PLCG2: variants seen among roughly 807,000 people sequenced by gnomAD.
PLCG2 encodes the protein 1-phosphatidylinositol 4,5-bisphosphate phosphodiesterase gamma-2.
Under a neutral mutation model 175.6 loss-of-function variants are expected in PLCG2, and 69 were observed. That is an observed-to-expected ratio of 0.39 (90% CI 0.32 to 0.48). The LOEUF (loss-of-function observed/expected upper bound fraction) is 0.48, where lower values mean the gene tolerates loss of function less well. Among genes scored for constraint, PLCG2 ranks in the 20% least tolerant of loss-of-function variants. The probability of loss-of-function intolerance (pLI) is 0.91; values close to 1 mark genes in which losing one functional copy is unlikely to be tolerated. For synonymous variants in PLCG2, 827 were observed against 624.0 expected, an observed-to-expected ratio of 1.33 and a Z score of -4.85; for missense variants, 1,798 against 1,650.9, an observed-to-expected ratio of 1.09 and a Z score of -1.54.
chr16:81,865,319 G>A (rs913962704), intron 5 of PLCG2, among the ~76,000 whole-genome samples: 3 of 152,150 alleles, frequency 2.0e-5, no homozygotes, highest in African/African-American at 7.2e-5. Flanking sequence ...GGCTCAGCCT[G>A]CCTGTGCTGG....
intron 8 of PLCG2, 53 bp from the exon 9 acceptor site, chr16:81,883,216 C>T (rs1396257000): frequency 2.6e-6 from 4 of 1,527,718 alleles, no homozygotes; most frequent in Non-Finnish European, 3.6e-6. Context: ...CTCCTCTCGA[C>T]TCCTCTGTTG....
chr16:81,767,264 C>T (rs1006522367), intron 2 of PLCG2, among the ~76,000 whole-genome samples: 3 of 151,252 alleles, frequency 2.0e-5, no homozygotes, highest in Non-Finnish European at 2.9e-5. Context: ...TGTGCCTCAG[C>T]CTCCCGAATA....
In PLCG2 at chr16:81,922,065, G is replaced by T. The variant is rs145494459; in HGVS notation, c.2307+796G>T. Among the ~76,000 whole-genome samples the T allele has an allele frequency of 5.2e-3, 796 of 152,210 alleles. 20 individuals carry two copies. The highest frequency in any genetic ancestry group is 1.6e-3 in the Non-Finnish European group (108 of 68,016). On this transcript the variant is annotated intron_variant, in intron 21 of 32. Coordinates refer to ENST00000564138, the MANE Select transcript of PLCG2 (RefSeq NM_002661.5). ...TAACTGATGACTTTTCCTTCCTGTG[G>T]CCTTGGAGACTGGCTGGTCCTTATA...
intron 3 of PLCG2, among the ~76,000 whole-genome samples, chr16:81,855,010 G>C (rs1906610727): frequency 6.6e-6 from 1 of 152,016 alleles, no homozygotes; most frequent in South Asian, 2.1e-4. Context: ...AGGAGTTTGA[G>C]ACCAGCATGG....
chr16:81,937,796 A>T lies in PLCG2; in HGVS notation c.3091A>T (p.Asn1031Tyr). Residue 1031 changes from asparagine to tyrosine, a missense_variant, in exon 28 of 33, where the codon AAT becomes TAT. Transcript: ENST00000564138. ...GATGAATCACGCATTGTTTTCTCTCAATGGGCGCACGGGCTACGTTCTGCA... is the reference window on the plus strand; with the variant it reads ...GATGAATCACGCATTGTTTTCTCTCTATGGGCGCACGGGCTACGTTCTGCA... The part of the protein sequence containing the change: ...MQMNHALFSL[N>Y]GRTGYVLQPE... 3.1e-6 allele frequency: 5 copies of T among 1,614,050 alleles called. No homozygotes were observed. The highest frequency in any genetic ancestry group is 4.2e-6 in the Non-Finnish European group (5 of 1,179,910).
intron 2 of PLCG2, among the ~76,000 whole-genome samples, chr16:81,770,375 GA>G (rs1317910294): frequency 1.3e-5 from 2 of 152,178 alleles, no homozygotes; most frequent in African/African-American, 4.8e-5. Context: ...AATGACAAGA[GA>G]AAAGTCAGAG....
chr16:81,746,326 C>T (rs760778169), intron 1 of PLCG2, among the ~76,000 whole-genome samples: 1 of 152,212 alleles, frequency 6.6e-6, no homozygotes, highest in Non-Finnish European at 1.5e-5. Flanking sequence ...TCGCCCCCAG[C>T]ACAGGTGGAG....
rs1911819395 is a variant in PLCG2 at position 81,962,665 on chromosome 16, TAA to T, written c.*4670_*4671del. 3 of 218,088 alleles carry T rather than the reference TAA, an allele frequency of 1.4e-5. No homozygotes were observed. Among genetic ancestry groups the T allele is most frequent in the Admixed American group, 5.8e-5 (1 of 17,274 alleles). 13.5% of individuals were successfully genotyped at this position (218,088 alleles called of 1,614,324 possible). On this transcript the variant is annotated 3_prime_UTR_variant, in exon 33 of 33. Coordinates refer to ENST00000564138, the MANE Select transcript of PLCG2 (RefSeq NM_002661.5). ...AACAGCTGTATCACATTTTGAAAAA[TAA>T]AAGTTTCATCTGAATGAATATAGCA...
intron 5 of PLCG2, among the ~76,000 whole-genome samples, chr16:81,861,560 C>G (rs552292359): frequency 6.6e-6 from 1 of 152,260 alleles, no homozygotes; most frequent in Non-Finnish European, 1.5e-5. Flanking sequence ...CCTGCCTGCT[C>G]CGCCACGCTG....
chr16:81,902,595 T>G (rs4889438), intron 14 of PLCG2, among the ~76,000 whole-genome samples: 140,492 of 151,908 alleles, frequency 0.92, 65,021 homozygotes, highest in East Asian at 0.97. Flanking sequence ...TCCCATTCAC[T>G]GGAGCTCTAC....
At chr16:81,821,075 A>G (rs896969647) in intron 2 of PLCG2, among the ~76,000 whole-genome samples, 51 of 152,130 alleles carry the variant, frequency 3.4e-4, no homozygotes, top group African/African-American at 1.2e-3. Context: ...TATTTTTAGT[A>G]GAGACAGGGT....
At chr16:81,916,528 A>G (rs1909849090) in intron 19 of PLCG2, among the ~76,000 whole-genome samples, 2 of 152,288 alleles carry the variant, frequency 1.3e-5, no homozygotes, top group African/African-American at 4.8e-5. Flanking sequence ...TGAAATATGT[A>G]TACATGGTGA....
At position 81,801,530 on chromosome 16, in the gene PLCG2, A is replaced by G. The variant is rs561673631; in HGVS notation, c.193+15348A>G. On this transcript the variant is annotated intron_variant, in intron 2 of 32. Transcript: ENST00000564138. ...CACGATAGATTGATCTGTCCTGTCA[A>G]TGCTGGACATTTAGGTTGTTTCCAA... 3.0e-4 allele frequency among the ~76,000 whole-genome samples: 46 copies of G among 152,322 alleles called. 1 individual carries two copies. Among genetic ancestry groups the G allele is most frequent in the South Asian group, 2.3e-3 (11 of 4,828 alleles).
chr16:81,768,042 A>T (rs1160843175), intron 2 of PLCG2, among the ~76,000 whole-genome samples: 2 of 152,138 alleles, frequency 1.3e-5, no homozygotes, highest in African/African-American at 4.8e-5. Flanking sequence ...GGCACCCGCC[A>T]CCATGCCCAC....
intron 7 of PLCG2, among the ~76,000 whole-genome samples, chr16:81,876,238 G>A (rs552805676): frequency 6.6e-6 from 1 of 152,088 alleles, no homozygotes; most frequent in Non-Finnish European, 1.5e-5. Context: ...ACCCAGGCTA[G>A]GCTTGAACTC....
chr16:81,958,061 C>T lies in PLCG2; in HGVS notation c.*63C>T, dbSNP rs938743745. ...GCATGTGTGTTTGCATGTAGGAGAA[C>T]GTGCCCTATTCACACTCTGGGAAGA... On this transcript the variant is annotated 3_prime_UTR_variant, in exon 33 of 33. Coordinates refer to ENST00000564138, the MANE Select transcript of PLCG2 (RefSeq NM_002661.5). 2.6e-5 allele frequency: 31 copies of T among 1,171,392 alleles called. No homozygotes were observed. The highest frequency in any genetic ancestry group is 1.2e-4 in the East Asian group (5 of 42,754). 72.6% of individuals were successfully genotyped at this position (1,171,392 alleles called of 1,614,324 possible). A position where few individuals can be genotyped will look rare whatever the true frequency, so the allele number is the denominator to read the frequency against.
At chr16:81,924,918 C>A (rs372974769) in intron 22 of PLCG2, among the ~76,000 whole-genome samples, 40 of 152,364 alleles carry the variant, frequency 2.6e-4, no homozygotes, top group African/African-American at 7.9e-4. Flanking sequence ...TCCCTCCACT[C>A]GAAGTGGCAC....
At chr16:81,815,826 C>A (rs1456180448) in intron 2 of PLCG2, among the ~76,000 whole-genome samples, 4 of 151,270 alleles carry the variant, frequency 2.6e-5, no homozygotes, top group Admixed American at 2.6e-4. Context: ...TTTGGGAGGC[C>A]AAGGTGGGCG....
At chr16:81,906,491 C>A (rs1289295075) in intron 15 of PLCG2, 4 of 152,186 alleles carry the variant, frequency 2.6e-5, no homozygotes, top group Admixed American at 2.0e-4. Context: ...GTGGTACGAT[C>A]TTAGCTCACC....
Sources: allele counts gnomAD v4.1 joint callset (sites outside exome capture counted in the v4.1 genomes callset), GRCh38; gene constraint gnomAD v4.1.1; transcripts MANE v1.5; gene names NCBI Gene and HGNC (gene_info 2026-07-23, HGNC 2026-07-21).